The following MTHFD1L variants were observed in gnomAD, a reference collection of about 807,000 sequenced individuals.
MTHFD1L encodes the protein monofunctional C1-tetrahydrofolate synthase, mitochondrial.
MTHFD1L carries 81 observed loss-of-function variants against 119.5 expected under a neutral mutation model. That is an observed-to-expected ratio of 0.68 (90% confidence interval 0.57 to 0.82). MTHFD1L has a LOEUF of 0.82. Ranked by LOEUF, MTHFD1L falls within the 40% of genes least tolerant of loss-of-function variation. The pLI, the probability that MTHFD1L is intolerant of heterozygous loss-of-function variation, is 0.00. For synonymous variants in MTHFD1L, 430 were observed against 475.2 expected, an observed-to-expected ratio of 0.90 and a Z score of 1.24; for missense variants, 1,125 against 1,253.4, an observed-to-expected ratio of 0.90 and a Z score of 1.55.
intron 18 of MTHFD1L, among the ~76,000 whole-genome samples, chr6:150,961,111 T>G (rs1003117613): frequency 1.5e-5 from 2 of 130,150 alleles, no homozygotes; most frequent in East Asian, 4.3e-4. Flanking sequence ...TTTTTTTTTT[T>G]CTGAGACAGT....
In MTHFD1L at chr6:151,092,592, G is replaced by C. The variant is rs1199975074; in HGVS notation, c.*31+5G>C. On this transcript the variant is annotated splice_donor_5th_base_variant and intron_variant, in intron 27 of 27. Transcript: ENST00000367321. ...CTCTCACAGGACCCGATGCAGGTAG[G>C]CTGATGTGCTTCAACTTTTTCTCTC... is the stretch of plus-strand genomic sequence containing the variant. 2 of 1,539,408 alleles carry C rather than the reference G, an allele frequency of 1.3e-6. No homozygotes were observed. The highest frequency in any genetic ancestry group is 1.4e-5 in the African/African-American group (1 of 72,484).
intron 23 of MTHFD1L, 49 bp from the exon 24 acceptor site, chr6:151,015,467 C>T (rs1349948770): frequency 6.4e-7 from 1 of 1,552,342 alleles, no homozygotes; most frequent in African/African-American, 1.4e-5. Context: ...TCTTTGAAAA[C>T]ATAGCTAAAT....
rs148966443 is a variant in MTHFD1L, at chr6:151,085,831, C to A, written c.2848-6636C>A. 1.6e-4 allele frequency among the ~76,000 whole-genome samples: 24 copies of A among 152,118 alleles called. No individual in the cohort carries two copies. In the East Asian group the frequency reaches 4.6e-3, roughly 29 times the overall value. On this transcript the variant is annotated intron_variant, in intron 26 of 27. Transcript: ENST00000367321. The stretch of plus-strand genomic sequence containing the variant: ...AAGGGTCTGCTTTGTGTAGTCTGCC[C>A]CTCTACAAGCAGGGACCAGGTCTTG...
At chr6:150,927,082 A>G (rs1790124231) in intron 11 of MTHFD1L, among the ~76,000 whole-genome samples, 1 of 152,198 alleles carries the variant, frequency 6.6e-6, no homozygotes, top group African/African-American at 2.4e-5. Context: ...CATTTCTTGT[A>G]ATTGGAATTG....
At chr6:151,045,828 C>T (rs115781823) in intron 26 of MTHFD1L, among the ~76,000 whole-genome samples, 1,758 of 152,312 alleles carry the variant, frequency 0.012, 27 homozygotes, top group African/African-American at 0.04. Context: ...AGGTCCCTGC[C>T]GCAGGCTGCT....
intron 6 of MTHFD1L, 70 bp downstream of exon 6, chr6:150,885,804 T>A: frequency 8.0e-7 from 1 of 1,254,940 alleles, no homozygotes; most frequent in Non-Finnish European, 1.1e-6. Flanking sequence ...AATAAGGATT[T>A]GTTTGGGGAA....
Position 150,949,044 on chromosome 6 carries a change from A to T in MTHFD1L, c.1637A>T (p.Asn546Ile), listed in dbSNP as rs759868328. 10 of 1,613,754 alleles carry T rather than the reference A, an allele frequency of 6.2e-6. No homozygotes were observed. The South Asian group carries it at 1.1e-4, about 18-fold the overall frequency. The part of the protein sequence containing the change: ...QLARLKKLGI[N>I]KTDPSTLTEE... ...CTTAATCATTAGAAACTGGGAATAA[A>T]TAAGACTGATCCGAGCACACTGACA... Residue 546 changes from asparagine to isoleucine, a missense_variant, in exon 16 of 28, where the codon AAT becomes ATT. Physicochemically the swap from Asn to Ile is moderately radical, Grantham distance 149. Transcript: ENST00000367321.
Position 151,001,550 on chromosome 6 carries a change from A to G in MTHFD1L, c.2126-8269A>G, listed in dbSNP as rs188105973. Among the ~76,000 whole-genome samples the G allele has an allele frequency of 2.0e-4, 31 of 152,324 alleles. No individual in the cohort carries two copies. In the East Asian group the frequency reaches 5.4e-3, roughly 27 times the overall value. ...AAAATTTGAAAAGAAAACCCAGGCT[A>G]GAGCATTGGGGTCACTCATTTCCCA... On this transcript the variant is annotated intron_variant, in intron 20 of 27. Transcript: ENST00000367321.
intron 27 of MTHFD1L, among the ~76,000 whole-genome samples, chr6:151,093,503 G>A (rs907185826): frequency 6.6e-6 from 1 of 151,840 alleles, no homozygotes; most frequent in Admixed American, 6.6e-5. Context: ...CTAAAAATAC[G>A]AAAATTAGCT....
intron 26 of MTHFD1L, among the ~76,000 whole-genome samples, chr6:151,043,367 T>C (rs1231219383): frequency 1.4e-5 from 2 of 142,844 alleles, no homozygotes; most frequent in Non-Finnish European, 3.0e-5. Context: ...CAGGTTCAAG[T>C]GATACTCCTG....
Position 151,045,092 on chromosome 6 carries a change from G to A in MTHFD1L, c.2847+7975G>A, listed in dbSNP as rs1266400124. ...GGAGGTGTTTCCTCCCCTTTGTACC[G>A]GCCCTACTTAGGGATGCACGGTTGG... is the stretch of plus-strand genomic sequence containing the variant. On this transcript the variant is annotated intron_variant, in intron 26 of 27. Coordinates refer to ENST00000367321, the MANE Select transcript of MTHFD1L (RefSeq NM_015440.5). Among the ~76,000 whole-genome samples, 7 of 152,188 alleles carry A rather than the reference G, an allele frequency of 4.6e-5. No homozygotes were observed. In the East Asian group the frequency reaches 1.2e-3, roughly 25 times the overall value.
In MTHFD1L at chr6:150,951,044, G is replaced by GT. The variant is rs1051964478; in HGVS notation, c.1726+1921dup. On this transcript the variant is annotated intron_variant, in intron 16 of 27. Coordinates refer to ENST00000367321, the MANE Select transcript of MTHFD1L (RefSeq NM_015440.5). ...TTGGAAACTTTATGGTTTTTTTTTT[G>GT]TTTTTTTTTTGAGACAGGGCCTCAT... 4.7e-4 allele frequency among the ~76,000 whole-genome samples: 58 copies of GT among 122,268 alleles called. 1 individual carries two copies. The highest frequency in any genetic ancestry group is 1.2e-3 in the African/African-American group (35 of 29,766). The allele number at this position is 122,268 out of a possible 152,430, so 80.2% of individuals were successfully genotyped here.
intron 20 of MTHFD1L, among the ~76,000 whole-genome samples, chr6:150,975,091 T>C (rs1776369490): frequency 6.6e-6 from 1 of 152,218 alleles, no homozygotes; most frequent in Non-Finnish European, 1.5e-5. Flanking sequence ...GGATAGACCA[T>C]ACTTTGTTTA....
intron 26 of MTHFD1L, among the ~76,000 whole-genome samples, chr6:151,077,912 G>C (rs375862057): frequency 2.0e-5 from 3 of 151,096 alleles, no homozygotes; most frequent in South Asian, 4.2e-4. Context: ...TTAGCCGGGC[G>C]TGGTGGCAGG....
chr6:151,061,421 T>C (rs1790620774), intron 26 of MTHFD1L, among the ~76,000 whole-genome samples: 1 of 152,166 alleles, frequency 6.6e-6, no homozygotes, highest in African/African-American at 2.4e-5. Context: ...AATTTCAGTC[T>C]CTCAGAACAA....
intron 24 of MTHFD1L, among the ~76,000 whole-genome samples, chr6:151,028,325 C>T (rs17080719): frequency 0.055 from 8,406 of 152,184 alleles, 393 homozygotes; most frequent in African/African-American, 0.11. Context: ...TGTATGTTGC[C>T]TTACGCCCAA....
intron 1 of MTHFD1L, among the ~76,000 whole-genome samples, chr6:150,868,236 C>G (rs1781936571): frequency 6.6e-6 from 1 of 152,092 alleles, no homozygotes; most frequent in Non-Finnish European, 1.5e-5. Flanking sequence ...ACAGTACTTA[C>G]CTCAAGGGGT....
At chr6:150,960,515 A>T in intron 18 of MTHFD1L, 100 bp downstream of exon 18, 1 of 1,432,596 alleles carries the variant, frequency 7.0e-7, no homozygotes, top group South Asian at 1.5e-5. Flanking sequence ...GAGTGTAATG[A>T]GGATACAGAA....
intron 7 of MTHFD1L, among the ~76,000 whole-genome samples, chr6:150,900,552 G>A (rs1192125816): frequency 3.9e-5 from 6 of 151,992 alleles, no homozygotes; most frequent in Non-Finnish European, 5.9e-5. Context: ...TTCCAGACCC[G>A]GGCCCCCAGC....
Sources: gnomAD v4.1 joint callset for allele counts (sites outside exome capture counted in the v4.1 genomes callset) on GRCh38, gnomAD v4.1.1 for gene constraint, MANE v1.5 for transcripts, NCBI Gene and HGNC (gene_info 2026-07-23, HGNC 2026-07-21) for gene names.